The following IL22RA2 variants were observed in gnomAD, a reference collection of about 807,000 sequenced individuals.
The protein encoded by IL22RA2 is interleukin-22 receptor subunit alpha-2.
A neutral mutation model predicts 30.7 loss-of-function variants in IL22RA2; 39 were observed. The observed-to-expected ratio is 1.27, with a 90% CI of 0.98 to 1.66. IL22RA2 has a LOEUF of 1.66. IL22RA2 is among the 40% of genes most tolerant of loss of function. The pLI, the probability that IL22RA2 is intolerant of heterozygous loss-of-function variation, is 0.00. For synonymous variants in IL22RA2, 103 were observed against 105.0 expected, an observed-to-expected ratio of 0.98 and a Z score of 0.11; for missense variants, 315 against 312.7, an observed-to-expected ratio of 1.01 and a Z score of -0.05.
chr6:137,164,353 C>G (rs1183699670), intron 1 of IL22RA2, among the ~76,000 whole-genome samples: 1 of 152,140 alleles, frequency 6.6e-6, no homozygotes, highest in African/African-American at 2.4e-5. Context: ...TATATTGACT[C>G]CTGGCTAAGT....
intron 5 of IL22RA2, among the ~76,000 whole-genome samples, chr6:137,153,521 C>A (rs1356801028): frequency 1.3e-5 from 2 of 152,134 alleles, no homozygotes; most frequent in African/African-American, 4.8e-5. Context: ...CAACTTATGA[C>A]ATGTTTTTGT....
In IL22RA2 at chr6:137,147,587, A is replaced by AG. The variant is rs752866777; in HGVS notation, c.642+134dup. On this transcript the variant is annotated intron_variant, in intron 6 of 6. Transcript: ENST00000296980. ...ACCAACCGTTGATCAATGATGGCTG[A>AG]GAGTAAGAAGAAATTAAAGATAAGG... 1.5e-4 allele frequency: 109 copies of AG among 708,374 alleles called. No homozygotes were observed. In the Middle Eastern group the frequency reaches 8.0e-3, roughly 52 times the overall value. 43.9% of individuals were successfully genotyped at this position (708,374 alleles called of 1,614,324 possible).
chr6:137,152,485 G>A (rs2114359790), intron 5 of IL22RA2, among the ~76,000 whole-genome samples: 1 of 152,284 alleles, frequency 6.6e-6, no homozygotes. Flanking sequence ...TATTATATTA[G>A]TCTATCTAGA....
intron 6 of IL22RA2, among the ~76,000 whole-genome samples, chr6:137,147,428 C>T (rs1287095225): frequency 4.7e-5 from 7 of 150,270 alleles, no homozygotes; most frequent in Admixed American, 2.0e-4. Context: ...GTGCAAAGCC[C>T]GTAAAAATGA....
chr6:137,145,665 TTCTG>T lies in IL22RA2; in HGVS notation c.747_750del (p.Asp249GlufsTer38), dbSNP rs1193983930. 17 of 1,612,194 alleles carry T rather than the reference TTCTG, an allele frequency of 1.1e-5. No individual in the cohort carries two copies. The highest frequency in any genetic ancestry group is 1.4e-5 in the Non-Finnish European group (17 of 1,179,238). On this transcript the variant is annotated frameshift_variant, in exon 7 of 7. Coordinates refer to ENST00000296980, the MANE Select transcript of IL22RA2 (RefSeq NM_052962.3). LOFTEE classifies it high-confidence loss of function. Reference sequence around the variant, plus strand: ...CATCTCTCTTCACTTCTCTGACTTCTTCTGTCTAACATGGGCTGATATATTTCAG... The same window carrying T: ...CATCTCTCTTCACTTCTCTGACTTCTTCTAACATGGGCTGATATATTTCAG...
chr6:137,166,598 G>C (rs1778630737), intron 1 of IL22RA2, among the ~76,000 whole-genome samples: 1 of 152,168 alleles, frequency 6.6e-6, no homozygotes, highest in South Asian at 2.1e-4. Flanking sequence ...CCTTATTGGA[G>C]CTTCCTCTTA....
chr6:137,146,609 G>A (rs1444260990), intron 6 of IL22RA2, among the ~76,000 whole-genome samples: 3 of 151,916 alleles, frequency 2.0e-5, no homozygotes, highest in East Asian at 1.9e-4. Flanking sequence ...TGCTCCTTAC[G>A]ACAAAAACCC....
At position 137,152,760 on chromosome 6, in the gene IL22RA2, C is replaced by T. The variant is rs77489179; in HGVS notation, c.472+2181G>A. The stretch of plus-strand genomic sequence containing the variant: ...AAAAAAATCTAAGTGGATGCAGTGA[C>T]CATCTATTTCCCCAGTGTCCTGTAG... On this transcript the variant is annotated intron_variant, in intron 5 of 6. Transcript: ENST00000296980. Among the ~76,000 whole-genome samples the T allele has an allele frequency of 2.4e-4, 36 of 152,286 alleles. 1 individual carries two copies. The East Asian group carries it at 6.9e-3, about 29-fold the overall frequency.
chr6:137,166,857 G>A (rs1280494807), intron 1 of IL22RA2, among the ~76,000 whole-genome samples: 1 of 152,364 alleles, frequency 6.6e-6, no homozygotes, highest in Non-Finnish European at 1.5e-5. Context: ...TATGAGTAAT[G>A]TTTAACTTGT....
chr6:137,145,841 T>A, intron 6 of IL22RA2, 68 bp from the exon 7 acceptor site: 2 of 1,545,584 alleles, frequency 1.3e-6, no homozygotes, highest in Non-Finnish European at 1.8e-6. Flanking sequence ...CATTTTTGTT[T>A]AAATTAACAA....
At chr6:137,147,578 T>A (rs1562267462) in intron 6 of IL22RA2, 144 bp downstream of exon 6, 1 of 666,484 alleles carries the variant, frequency 1.5e-6, no homozygotes, top group African/African-American at 1.8e-5. Flanking sequence ...CGTTGATCAA[T>A]GATGGCTGAG....
Position 137,144,148 on chromosome 6 carries a change from G to A in IL22RA2, c.*1476C>T, listed in dbSNP as rs1000039285. ...CACAAAAGGACAAAAGGCAAAAAAG[G>A]TAGTAAGCAAAATATAAATAATAAG... On this transcript the variant is annotated 3_prime_UTR_variant, in exon 7 of 7. Coordinates refer to ENST00000296980, the MANE Select transcript of IL22RA2 (RefSeq NM_052962.3). 1.3e-5 allele frequency: 2 copies of A among 152,194 alleles called. No individual in the cohort carries two copies. The highest frequency in any genetic ancestry group is 4.8e-5 in the African/African-American group (2 of 41,404). The allele number at this position is 152,194 out of a possible 1,614,324, so 9.4% of individuals were successfully genotyped here. A position where few individuals can be genotyped will look rare whatever the true frequency, so the allele number is the denominator to read the frequency against.
At chr6:137,164,505 C>T (rs954034676) in intron 1 of IL22RA2, among the ~76,000 whole-genome samples, 2 of 152,238 alleles carry the variant, frequency 1.3e-5, no homozygotes, top group Admixed American at 6.5e-5. Flanking sequence ...GCAGTAAAAA[C>T]CTGTCCTACA....
Position 137,162,736 on chromosome 6 carries a change from G to A in IL22RA2, c.-65-922C>T, listed in dbSNP as rs141903202. Among the ~76,000 whole-genome samples the A allele has an allele frequency of 5.9e-5, 9 of 152,180 alleles. No homozygotes were observed. In the East Asian group the frequency reaches 1.7e-3, roughly 29 times the overall value. On this transcript the variant is annotated intron_variant, in intron 1 of 6. Coordinates refer to ENST00000296980, the MANE Select transcript of IL22RA2 (RefSeq NM_052962.3). ...TGCAAACCTACCCTTAAAGTCCAAG[G>A]AAGCTGAGAGGTCAAAGAAAAAGGC...
intron 1 of IL22RA2, among the ~76,000 whole-genome samples, chr6:137,167,212 C>G (rs763928921): frequency 5.3e-5 from 8 of 152,200 alleles, no homozygotes; most frequent in Non-Finnish European, 1.2e-4. Context: ...CAGCTTATCA[C>G]CCATAGAGTT....
At position 137,155,012 on chromosome 6, in the gene IL22RA2, C is replaced by T. The variant is rs764330915; in HGVS notation, c.401G>A (p.Arg134Lys). Residue 134 changes from arginine to lysine, a missense_variant, in exon 5 of 7, where the codon AGG becomes AAG. Transcript: ENST00000296980. ...TSDIQEPYYGRVRAASAGSYS... is the reference protein window; with the variant it reads ...TSDIQEPYYGKVRAASAGSYS... Reference sequence around the variant, plus strand: ...GCTCCCAGCCGAGGCCGCCCTCACCCTCCCGTAATAAGGTTCCTGTATGTC... The same window carrying T: ...GCTCCCAGCCGAGGCCGCCCTCACCTTCCCGTAATAAGGTTCCTGTATGTC... The T allele has an allele frequency of 1.5e-5, 24 of 1,613,968 alleles. No homozygotes were observed. The African/African-American group carries it at 1.6e-4, about 11-fold the overall frequency.
chr6:137,157,688 C>G (rs59220161), intron 3 of IL22RA2, among the ~76,000 whole-genome samples: 2 of 151,814 alleles, frequency 1.3e-5, no homozygotes, highest in Admixed American at 1.3e-4. Context: ...CTCACCCCCC[C>G]AGAAATATAT....
At chr6:137,166,364 A>G (rs565464241) in intron 1 of IL22RA2, among the ~76,000 whole-genome samples, 2 of 152,328 alleles carry the variant, frequency 1.3e-5, no homozygotes, top group South Asian at 4.1e-4. Flanking sequence ...TATATAAGGA[A>G]AGAGGATTGT....
At chr6:137,158,170 T>C (rs995606969) in intron 3 of IL22RA2, among the ~76,000 whole-genome samples, 177 bp downstream of exon 3, 1 of 152,190 alleles carries the variant, frequency 6.6e-6, no homozygotes, top group Non-Finnish European at 1.5e-5. Flanking sequence ...CATACCATCA[T>C]GCATTTTGAG....
Sources: allele counts gnomAD v4.1 joint callset (sites outside exome capture counted in the v4.1 genomes callset), GRCh38; gene constraint gnomAD v4.1.1; transcripts MANE v1.5; gene names NCBI Gene and HGNC (gene_info 2026-07-23, HGNC 2026-07-21).